PTPRD: variants seen among roughly 807,000 people sequenced by gnomAD.
PTPRD encodes the protein protein tyrosine phosphatase receptor type D.
A neutral mutation model predicts 214.5 loss-of-function variants in PTPRD; 34 were observed. The ratio of observed to expected loss-of-function variants is 0.16; its 90% confidence interval spans 0.12 to 0.21. PTPRD has a LOEUF of 0.21. Among genes scored for constraint, PTPRD ranks in the 10% least tolerant of loss-of-function variants. The probability of loss-of-function intolerance (pLI) is 1.00; values close to 1 mark genes in which losing one functional copy is unlikely to be tolerated. For missense variants in PTPRD, 2,545 were observed against 2,398.7 expected (o/e 1.06, Z -1.27); for synonymous variants, 1,128 against 845.7 (o/e 1.33, Z -5.79).
intron 3 of PTPRD, among the ~76,000 whole-genome samples, chr9:10,210,796 C>CATATTAT (rs1409887184): frequency 1.7e-4 from 13 of 76,728 alleles, no homozygotes; most frequent in Non-Finnish European, 2.9e-4. Flanking sequence ...CAAAAAACTT[C>CATATTAT]ATATATATAT....
chr9:9,877,678 C>A (rs2067279137), intron 5 of PTPRD, among the ~76,000 whole-genome samples: 1 of 151,942 alleles, frequency 6.6e-6, no homozygotes, highest in Non-Finnish European at 1.5e-5. Context: ...TGTACAAACT[C>A]TTGAAGAAAT....
intron 2 of PTPRD, among the ~76,000 whole-genome samples, chr9:10,555,115 A>G (rs1590805236): frequency 1.3e-5 from 2 of 152,066 alleles, no homozygotes; most frequent in East Asian, 3.9e-4. Context: ...AGTTAAAAAC[A>G]AACAACACAC....
At chr9:9,562,039 C>A (rs747835870) in intron 8 of PTPRD, among the ~76,000 whole-genome samples, 8 of 152,158 alleles carry the variant, frequency 5.3e-5, no homozygotes, top group Non-Finnish European at 1.2e-4. Flanking sequence ...CTACTTGATA[C>A]CCAACTTCGG....
At chr9:9,070,884 G>A (rs2099742725) in intron 10 of PTPRD, among the ~76,000 whole-genome samples, 1 of 152,108 alleles carries the variant, frequency 6.6e-6, no homozygotes, top group Non-Finnish European at 1.5e-5. Context: ...GCTACTGCTA[G>A]TGTCCCCACT....
At chr9:9,912,131 A>C (rs1262985734) in intron 5 of PTPRD, among the ~76,000 whole-genome samples, 2 of 152,194 alleles carry the variant, frequency 1.3e-5, no homozygotes, top group African/African-American at 2.4e-5. Flanking sequence ...ATGGAAATTC[A>C]GTAAATTTCT....
intron 35 of PTPRD, among the ~76,000 whole-genome samples, chr9:8,406,608 G>T (rs565783118): frequency 6.6e-6 from 1 of 152,250 alleles, no homozygotes; most frequent in African/African-American, 2.4e-5. Flanking sequence ...TCAGTAAATG[G>T]TCCAACAGAT....
intron 8 of PTPRD, among the ~76,000 whole-genome samples, chr9:9,439,816 T>G (rs1192123142): frequency 2.6e-5 from 4 of 152,178 alleles, no homozygotes; most frequent in African/African-American, 9.7e-5. Context: ...ATCCAGTAAT[T>G]CTAGGAAGTT....
intron 33 of PTPRD, among the ~76,000 whole-genome samples, chr9:8,456,333 G>A (rs2096200803): frequency 6.6e-6 from 1 of 152,096 alleles, no homozygotes; most frequent in Non-Finnish European, 1.5e-5. Context: ...GCTAGAGAGG[G>A]GAGGAGAAGA....
intron 2 of PTPRD, among the ~76,000 whole-genome samples, chr9:10,470,132 A>G (rs907791960): frequency 6.6e-6 from 1 of 152,148 alleles, no homozygotes; most frequent in Non-Finnish European, 1.5e-5. Context: ...TAGTCCCAAC[A>G]CAAACAAATG....
chr9:8,651,375 T>G (rs969545571), intron 12 of PTPRD, among the ~76,000 whole-genome samples: 9 of 152,122 alleles, frequency 5.9e-5, no homozygotes, highest in Non-Finnish European at 1.0e-4. Context: ...TAATAGATGA[T>G]AACCCAAGGC....
chr9:9,829,195 T>C (rs1202866280), intron 5 of PTPRD, among the ~76,000 whole-genome samples: 1 of 151,910 alleles, frequency 6.6e-6, no homozygotes, highest in Non-Finnish European at 1.5e-5. Context: ...CAAATTGGTG[T>C]TGACATATTT....
chr9:9,707,399 C>A (rs1180822827), intron 7 of PTPRD, among the ~76,000 whole-genome samples: 1 of 152,132 alleles, frequency 6.6e-6, no homozygotes, highest in Non-Finnish European at 1.5e-5. Context: ...AGATATATTT[C>A]ATTTGTAATC....
At chr9:9,321,817 A>C (rs1028862351) in intron 9 of PTPRD, among the ~76,000 whole-genome samples, 11 of 152,136 alleles carry the variant, frequency 7.2e-5, no homozygotes, top group Admixed American at 7.2e-4. Context: ...ATTAAATGAG[A>C]TAATTCATGT....
chr9:9,195,299 A>G (rs990653824), intron 9 of PTPRD, among the ~76,000 whole-genome samples: 1 of 152,084 alleles, frequency 6.6e-6, no homozygotes, highest in Non-Finnish European at 1.5e-5. Context: ...TTAGTTGAAA[A>G]CATATGTTTG....
intron 8 of PTPRD, among the ~76,000 whole-genome samples, chr9:9,489,000 C>T (rs1186433442): frequency 6.6e-6 from 1 of 152,160 alleles, no homozygotes; most frequent in Non-Finnish European, 1.5e-5. Context: ...GCACTACTCA[C>T]TATTGTTATA....
intron 9 of PTPRD, among the ~76,000 whole-genome samples, chr9:9,390,833 T>C (rs1045120003): frequency 5.3e-5 from 8 of 152,196 alleles, no homozygotes; most frequent in African/African-American, 1.9e-4. Context: ...TGTTTCCTCA[T>C]CTGTGAAATT....
intron 2 of PTPRD, among the ~76,000 whole-genome samples, chr9:10,444,359 A>G (rs934647988): frequency 1.2e-4 from 18 of 151,884 alleles, no homozygotes; most frequent in Non-Finnish European, 5.9e-5. Flanking sequence ...TGAAAAATGC[A>G]TAGCTCCATA....
At chr9:8,965,382 A>AAAAG (rs2099187498) in intron 11 of PTPRD, among the ~76,000 whole-genome samples, 1 of 82,360 alleles carries the variant, frequency 1.2e-5, no homozygotes, top group Non-Finnish European at 2.3e-5. Context: ...TCTGCTTCAG[A>AAAAG]AAAAAAAAAA....
At chr9:9,562,988 C>CAAAT (rs1383750687) in intron 8 of PTPRD, among the ~76,000 whole-genome samples, 1 of 152,112 alleles carries the variant, frequency 6.6e-6, no homozygotes, top group Non-Finnish European at 1.5e-5. Flanking sequence ...AGCTGCTCAC[C>CAAAT]AAATATTTAT....
Sources: gnomAD v4.1 joint callset for allele counts (sites outside exome capture counted in the v4.1 genomes callset) on GRCh38, gnomAD v4.1.1 for gene constraint, MANE v1.5 for transcripts, NCBI Gene and HGNC (gene_info 2026-07-23, HGNC 2026-07-21) for gene names.